CSGALNACT1: variants seen among roughly 807,000 people sequenced by gnomAD.
CSGALNACT1 encodes chondroitin sulfate N-acetylgalactosaminyltransferase 1.
CSGALNACT1 carries 52 observed loss-of-function variants against 51.0 expected under a neutral mutation model. That is an observed-to-expected ratio of 1.02 (90% CI 0.82 to 1.29). The LOEUF (loss-of-function observed/expected upper bound fraction) is 1.29. Among genes scored for constraint, CSGALNACT1 ranks in the 50% most tolerant of loss-of-function variants. CSGALNACT1 has a pLI of 0.00. For synonymous variants in CSGALNACT1, 341 were observed against 254.4 expected (o/e 1.34, Z -3.24); for missense variants, 935 against 679.2 (o/e 1.38, Z -4.19).
intron 3 of CSGALNACT1, among the ~76,000 whole-genome samples, chr8:19,577,918 A>G (rs1261573597): frequency 6.6e-6 from 1 of 152,250 alleles, no homozygotes; most frequent in East Asian, 1.9e-4. Flanking sequence ...ACATCAGTCC[A>G]GCCCTCTGCC....
At chr8:19,666,984 AAAG>A (rs1564385401) in intron 1 of CSGALNACT1, among the ~76,000 whole-genome samples, 14 of 16,846 alleles carry the variant, frequency 8.3e-4, no homozygotes, top group African/African-American at 3.2e-3. Flanking sequence ...AGAAAGAAAG[AAAG>A]AAAGAAAGAA....
At chr8:19,472,656 A>C (rs1307517178) in intron 4 of CSGALNACT1, among the ~76,000 whole-genome samples, 1 of 152,254 alleles carries the variant, frequency 6.6e-6, no homozygotes, top group Non-Finnish European at 1.5e-5. Context: ...TCAACTCGGC[A>C]ATCAAAAGGA....
chr8:19,502,914 C>CG (rs1450260516), intron 4 of CSGALNACT1, among the ~76,000 whole-genome samples: 1 of 152,100 alleles, frequency 6.6e-6, no homozygotes, highest in Non-Finnish European at 1.5e-5. Flanking sequence ...GTCAAATGGT[C>CG]ACCCAGTTGA....
chr8:19,673,814 TGAA>T (rs2059970171), intron 1 of CSGALNACT1, among the ~76,000 whole-genome samples: 1 of 152,220 alleles, frequency 6.6e-6, no homozygotes, highest in Admixed American at 6.5e-5. Flanking sequence ...TTCCTTTTTG[TGAA>T]GAAGTACTCT....
intron 3 of CSGALNACT1, among the ~76,000 whole-genome samples, chr8:19,513,460 A>ATATATG (rs2078895861): frequency 7.0e-6 from 1 of 143,774 alleles, no homozygotes; most frequent in Non-Finnish European, 1.5e-5. Context: ...ATATATATAT[A>ATATATG]TATTTTGTGC....
intron 3 of CSGALNACT1, among the ~76,000 whole-genome samples, chr8:19,573,651 C>G (rs558064557): frequency 2.0e-5 from 3 of 152,190 alleles, no homozygotes; most frequent in African/African-American, 4.8e-5. Flanking sequence ...ACCATGTTGG[C>G]CAGGCTGGTC....
At chr8:19,593,113 T>C (rs1442234030) in intron 2 of CSGALNACT1, among the ~76,000 whole-genome samples, 2 of 152,218 alleles carry the variant, frequency 1.3e-5, no homozygotes, top group Non-Finnish European at 2.9e-5. Flanking sequence ...AGCTAACTGC[T>C]TCAGTAACTA....
At chr8:19,677,357 C>T (rs2060270617) in intron 1 of CSGALNACT1, among the ~76,000 whole-genome samples, 1 of 152,180 alleles carries the variant, frequency 6.6e-6, no homozygotes, top group Non-Finnish European at 1.5e-5. Flanking sequence ...GTCATCCTCC[C>T]ACCTCGGCCT....
chr8:19,562,368 A>T (rs1463172573), intron 3 of CSGALNACT1, among the ~76,000 whole-genome samples: 1 of 152,174 alleles, frequency 6.6e-6, no homozygotes, highest in Non-Finnish European at 1.5e-5. Context: ...TATTTTTGCT[A>T]GGCAATACCA....
At chr8:19,656,640 G>A (rs80009903) in intron 1 of CSGALNACT1, among the ~76,000 whole-genome samples, 3 of 116,994 alleles carry the variant, frequency 2.6e-5, no homozygotes, top group Non-Finnish European at 5.3e-5. Flanking sequence ...TCAAACATTA[G>A]AATTATCAAA....
intron 3 of CSGALNACT1, among the ~76,000 whole-genome samples, chr8:19,586,411 A>G (rs1278422934): frequency 6.6e-6 from 1 of 151,314 alleles, no homozygotes; most frequent in Non-Finnish European, 1.5e-5. Flanking sequence ...CTTATAGAAA[A>G]AAAAAAAAAA....
intron 1 of CSGALNACT1, among the ~76,000 whole-genome samples, chr8:19,643,502 A>G (rs6586854): frequency 0.44 from 67,485 of 151,796 alleles, 15,740 homozygotes; most frequent in East Asian, 0.59. Flanking sequence ...GCTGGGTGTG[A>G]TAGTGTGCAC....
chr8:19,732,256 A>T (rs1450259635), intron 1 of CSGALNACT1, among the ~76,000 whole-genome samples: 4 of 152,232 alleles, frequency 2.6e-5, no homozygotes, highest in Non-Finnish European at 2.9e-5. Context: ...TGTCCTCAAA[A>T]ACACTATTTT....
chr8:19,643,778 T>G (rs2056979015), intron 1 of CSGALNACT1, among the ~76,000 whole-genome samples: 1 of 152,228 alleles, frequency 6.6e-6, no homozygotes, highest in Non-Finnish European at 1.5e-5. Context: ...TTAACCAGGA[T>G]AGCACACAAT....
chr8:19,496,072 C>T (rs907737041), intron 4 of CSGALNACT1, among the ~76,000 whole-genome samples: 1 of 152,112 alleles, frequency 6.6e-6, no homozygotes, highest in African/African-American at 2.4e-5. Context: ...TGATTCAACA[C>T]CACCAATTTG....
chr8:19,525,649 A>G (rs991705159), intron 3 of CSGALNACT1, among the ~76,000 whole-genome samples: 11 of 133,088 alleles, frequency 8.3e-5, no homozygotes, highest in African/African-American at 2.8e-4. Flanking sequence ...AAAAAAAAAA[A>G]GTAGAGCCCA....
intron 3 of CSGALNACT1, among the ~76,000 whole-genome samples, chr8:19,508,317 A>G (rs1457453157): frequency 1.3e-5 from 2 of 152,224 alleles, no homozygotes; most frequent in Admixed American, 1.3e-4. Context: ...TGATATCACT[A>G]TGCCATCAAA....
At chr8:19,614,173 C>A (rs959055018) in intron 1 of CSGALNACT1, among the ~76,000 whole-genome samples, 5 of 152,078 alleles carry the variant, frequency 3.3e-5, no homozygotes, top group Non-Finnish European at 7.4e-5. Context: ...TATTATATGC[C>A]AAGTACTTTA....
chr8:19,700,830 C>G (rs900814204), intron 1 of CSGALNACT1, among the ~76,000 whole-genome samples: 5 of 152,108 alleles, frequency 3.3e-5, no homozygotes, highest in Admixed American at 6.5e-5. Context: ...GGCAGTAGCC[C>G]CTAGTTTCCC....
Sources: allele counts gnomAD v4.1 joint callset (sites outside exome capture counted in the v4.1 genomes callset), GRCh38; gene constraint gnomAD v4.1.1; transcripts MANE v1.5; gene names NCBI Gene and HGNC (gene_info 2026-07-23, HGNC 2026-07-21).